Variants in MBIP observed in about 807,000 individuals in gnomAD.
The protein encoded by MBIP is MAP3K12 binding inhibitory protein 1.
Under a neutral mutation model 45.7 loss-of-function variants are expected in MBIP, and 32 were observed. That is an observed-to-expected ratio of 0.70 (90% CI 0.53 to 0.94). MBIP has a LOEUF of 0.94. Among genes scored for constraint, MBIP ranks in the 40% least tolerant of loss-of-function variants. MBIP has a pLI of 0.00. For missense variants in MBIP, 381 were observed against 405.5 expected (o/e 0.94, Z 0.52); for synonymous variants, 145 against 141.0 (o/e 1.03, Z -0.20).
Position 36,314,451 on chromosome 14 carries a change from A to G in MBIP, c.571+61T>C, listed in dbSNP as rs1469793112. The G allele has an allele frequency of 3.2e-6, 3 of 925,734 alleles. No individual in the cohort carries two copies. The East Asian group carries it at 7.9e-5, about 24-fold the overall frequency. 57.3% of individuals were successfully genotyped at this position (925,734 alleles called of 1,614,324 possible). ...TATTCATTTAAAAAATAAATAAAAGATTAGAGCAACTATAAAAATTGTGCT... is the reference window on the plus strand; with the variant it reads ...TATTCATTTAAAAAATAAATAAAAGGTTAGAGCAACTATAAAAATTGTGCT... On this transcript the variant is annotated intron_variant, in intron 4 of 8. Coordinates refer to ENST00000416007, the MANE Select transcript of MBIP (RefSeq NM_016586.3).
Position 36,314,686 on chromosome 14 carries a change from C to G in MBIP, c.474+5G>C. The stretch of plus-strand genomic sequence containing the variant: ...CCTCTCGCCCCCGCCAAAAAACCTT[C>G]TTACTTCTGCTTTTCCAGCCTTTAT... On this transcript the variant is annotated splice_donor_5th_base_variant and intron_variant, in intron 3 of 8. Transcript: ENST00000416007. 6.2e-7 allele frequency: 1 copy of G among 1,612,202 alleles called. No homozygotes were observed. Among genetic ancestry groups the G allele is most frequent in the South Asian group, 1.1e-5 (1 of 90,916 alleles).
At chr14:36,307,189 T>C (rs1400606042) in intron 7 of MBIP, among the ~76,000 whole-genome samples, 1 of 152,180 alleles carries the variant, frequency 6.6e-6, no homozygotes, top group Non-Finnish European at 1.5e-5. Flanking sequence ...TGACCTGCCT[T>C]CTTCTTCTGG....
intron 1 of MBIP, 40 bp from the exon 2 acceptor site, chr14:36,316,852 G>A (rs1306380404): frequency 5.1e-6 from 8 of 1,578,326 alleles, no homozygotes; most frequent in African/African-American, 1.4e-5. Flanking sequence ...AAAATTACAC[G>A]ATTAAGCTCT....
intron 7 of MBIP, chr14:36,301,055 T>C (rs1879517470): frequency 6.5e-6 from 2 of 308,090 alleles, no homozygotes; most frequent in Admixed American, 5.0e-5. Flanking sequence ...AGCAACATGC[T>C]CATCCTTGGC....
At chr14:36,305,623 T>C (rs1879817903) in intron 7 of MBIP, among the ~76,000 whole-genome samples, 1 of 152,090 alleles carries the variant, frequency 6.6e-6, no homozygotes, top group Non-Finnish European at 1.5e-5. Flanking sequence ...ACAATCTGTG[T>C]TCCTATCCAT....
rs367962633 is a variant in MBIP, at chr14:36,311,681, C to A, written c.682G>T (p.Gly228Ter). ...NTYGPQTRPE[G>*]IPGSGHKPNS... ...GGTTTATGACCTGACCCTGGAATTC[C>A]TTCAGGTCTAGTCTGTGGTCCGTAT... The change falls in exon 6 of 9, where the codon GGA becomes TGA. Residue 228 changes from glycine (G) to a stop codon, truncating the protein, a stop_gained. Coordinates refer to ENST00000416007, the MANE Select transcript of MBIP (RefSeq NM_016586.3). LOFTEE classifies it high-confidence loss of function. 24 of 1,613,218 alleles carry A rather than the reference C, an allele frequency of 1.5e-5. No individual in the cohort carries two copies. The highest frequency in any genetic ancestry group is 2.0e-5 in the Non-Finnish European group (24 of 1,179,470).
intron 1 of MBIP, among the ~76,000 whole-genome samples, chr14:36,319,100 G>C (rs1039721644): frequency 2.0e-5 from 3 of 151,354 alleles, no homozygotes; most frequent in African/African-American, 4.9e-5. Context: ...ATTTTCTAAT[G>C]AGTTTGAAAA....
intron 8 of MBIP, among the ~76,000 whole-genome samples, chr14:36,300,435 C>T (rs1040863337): frequency 1.3e-5 from 2 of 152,128 alleles, no homozygotes; most frequent in African/African-American, 2.4e-5. Context: ...CTCTGCCAAA[C>T]ACCCTTTTTG....
rs1880238339 is a variant in MBIP at position 36,311,972 on chromosome 14, T to C, written c.624A>G (p.Lys208=). Residue 208 remains lysine (K), a synonymous_variant, in exon 5 of 9, where the codon AAA becomes AAG. Transcript: ENST00000416007. Reference sequence around the variant, plus strand: ...GTGGTTACTTACCTTTTACGTGACTTTTAAATCCGGGGTAAGGGGTAAAAA... The same window carrying C: ...GTGGTTACTTACCTTTTACGTGACTCTTAAATCCGGGGTAAGGGGTAAAAA... ...DAIFTPYPGF[K]SHVKVSRVVN... 1 of 1,596,462 alleles carries C rather than the reference T, an allele frequency of 6.3e-7. No individual in the cohort carries two copies. Among genetic ancestry groups the C allele is most frequent in the Non-Finnish European group, 8.5e-7 (1 of 1,172,864 alleles).
intron 7 of MBIP, 30 bp downstream of exon 7, chr14:36,308,062 C>T: frequency 8.5e-7 from 1 of 1,178,548 alleles, no homozygotes; most frequent in Non-Finnish European, 1.2e-6. Context: ...ATAACATTTT[C>T]ATTTATTTTT....
intron 4 of MBIP, chr14:36,313,880 G>A (rs1279349476): frequency 1.3e-5 from 2 of 152,020 alleles, no homozygotes; most frequent in Non-Finnish European, 2.9e-5. Context: ...TATAATCTAT[G>A]GCACTGCATT....
chr14:36,302,146 T>G (rs946873760), intron 7 of MBIP, among the ~76,000 whole-genome samples: 2 of 152,242 alleles, frequency 1.3e-5, no homozygotes, highest in African/African-American at 4.8e-5. Context: ...ATTTGGCGAT[T>G]GATCAGTCTC....
At chr14:36,310,698 A>G (rs1328363013) in intron 6 of MBIP, among the ~76,000 whole-genome samples, 3 of 152,212 alleles carry the variant, frequency 2.0e-5, no homozygotes, top group Non-Finnish European at 2.9e-5. Flanking sequence ...CAGGTGCTAT[A>G]TAAGATTATA....
At chr14:36,311,853 GT>G in intron 5 of MBIP, 105 bp downstream of exon 5, 1 of 1,188,834 alleles carries the variant, frequency 8.4e-7, no homozygotes, top group Non-Finnish European at 1.2e-6. Context: ...ACGGCAAGAT[GT>G]TTTTGTTTTA....
At chr14:36,304,078 T>G (rs896299821) in intron 7 of MBIP, among the ~76,000 whole-genome samples, 4 of 152,152 alleles carry the variant, frequency 2.6e-5, no homozygotes, top group Admixed American at 1.3e-4. Flanking sequence ...GTTTACAATC[T>G]AATTTTCTAG....
chr14:36,316,141 A>T (rs1880555072), intron 2 of MBIP, among the ~76,000 whole-genome samples: 1 of 152,214 alleles, frequency 6.6e-6, no homozygotes, highest in African/African-American at 2.4e-5. Flanking sequence ...AATATAAAGA[A>T]TGAATTATTT....
chr14:36,319,599 C>T, intron 1 of MBIP: 1 of 442,042 alleles, frequency 2.3e-6, no homozygotes, highest in Non-Finnish European at 4.5e-6. Context: ...ATCTTTGACA[C>T]AAATGCCTGC....
intron 4 of MBIP, chr14:36,313,693 G>C (rs913213318): frequency 6.6e-6 from 1 of 152,040 alleles, no homozygotes; most frequent in African/African-American, 2.4e-5. Context: ...TTCATTAAGA[G>C]AATCAGTGTA....
Position 36,300,801 on chromosome 14 carries a change from TTTC to T in MBIP, c.908_910del (p.Arg303del). On this transcript the variant is annotated inframe_deletion, in exon 8 of 9. Coordinates refer to ENST00000416007, the MANE Select transcript of MBIP (RefSeq NM_016586.3). ...GTAACTTACTTGAGGTGGTTGAACTTTTCTTCTTTTTCCAGAAAAGCTCTAGAT... is the reference window on the plus strand; with the variant it reads ...GTAACTTACTTGAGGTGGTTGAACTTTTCTTTTTCCAGAAAAGCTCTAGAT... The T allele has an allele frequency of 6.4e-7, 1 of 1,555,344 alleles. No individual in the cohort carries two copies. Among genetic ancestry groups the T allele is most frequent in the Non-Finnish European group, 8.7e-7 (1 of 1,145,300 alleles).
Sources: allele counts gnomAD v4.1 joint callset (sites outside exome capture counted in the v4.1 genomes callset), GRCh38; gene constraint gnomAD v4.1.1; transcripts MANE v1.5; gene names NCBI Gene and HGNC (gene_info 2026-07-23, HGNC 2026-07-21).